The following ZNF791 variants were observed in gnomAD, a reference collection of about 807,000 sequenced individuals.
ZNF791 encodes the protein zinc finger protein 791.
In ZNF791, 4 loss-of-function variants were observed where a neutral mutation model predicts 11.5. The observed-to-expected ratio is 0.35, with a 90% CI of 0.17 to 0.80. The LOEUF is 0.80. Among genes scored for constraint, ZNF791 ranks in the 30% least tolerant of loss-of-function variants. The probability of loss-of-function intolerance (pLI) is 0.53; values close to 1 mark genes in which losing one functional copy is unlikely to be tolerated. For synonymous variants in ZNF791, 212 were observed against 228.1 expected (o/e 0.93, Z 0.64); for missense variants, 559 against 699.4 (o/e 0.80, Z 2.26).
At chr19:12,621,021 A>G (rs1257193982) in intron 1 of ZNF791, among the ~76,000 whole-genome samples, 1 of 151,872 alleles carries the variant, frequency 6.6e-6, no homozygotes, top group Non-Finnish European at 1.5e-5. Context: ...TCGGCCTCCC[A>G]CAGTGCTGGG....
intron 1 of ZNF791, chr19:12,612,096 A>C (rs1599318005): frequency 3.3e-6 from 2 of 603,892 alleles, no homozygotes; most frequent in East Asian, 1.4e-4. Flanking sequence ...TTGATGTTTC[A>C]GATGGTATTC....
At position 12,632,043 on chromosome 19, in the gene ZNF791, C is replaced by T. The variant is rs2023507484; in HGVS notation, c.*2783C>T. On this transcript the variant is annotated 3_prime_UTR_variant, in exon 4 of 4. Coordinates refer to ENST00000343325, the MANE Select transcript of ZNF791 (RefSeq NM_153358.3). The stretch of plus-strand genomic sequence containing the variant: ...CGGTGTGATCTCGGCTCACTGCAAG[C>T]TCCGCCTCCCGGGTCCACGCCATTC... 6.6e-6 allele frequency: 1 copy of T among 151,144 alleles called. No homozygotes were observed. The highest frequency in any genetic ancestry group is 2.4e-5 in the African/African-American group (1 of 41,008). 9.4% of individuals were successfully genotyped at this position (151,144 alleles called of 1,614,324 possible).
At chr19:12,621,722 G>GT (rs1315844480) in intron 1 of ZNF791, among the ~76,000 whole-genome samples, 14 of 57,468 alleles carry the variant, frequency 2.4e-4, no homozygotes, top group Non-Finnish European at 3.9e-4. Flanking sequence ...CTCGGTGGGG[G>GT]GTCAGCCCCC....
chr19:12,628,945 A>T lies in ZNF791; in HGVS notation c.1416A>T (p.Gln472His). Reference protein sequence around the residue: ...HTGEKPYECKQCGKAFSCSSY... With the variant: ...HTGEKPYECKHCGKAFSCSSY... The stretch of plus-strand genomic sequence containing the variant: ...GAGAGAAACCCTATGAATGTAAACA[A>T]TGTGGAAAAGCCTTTAGTTGTTCTA... Residue 472 changes from glutamine (Q) to histidine (H), a missense_variant, in exon 4 of 4, where the codon CAA becomes CAT. Gln to His is a conservative substitution (Grantham distance 24). Coordinates refer to ENST00000343325, the MANE Select transcript of ZNF791 (RefSeq NM_153358.3). The T allele has an allele frequency of 6.2e-7, 1 of 1,614,000 alleles. No individual in the cohort carries two copies. The highest frequency in any genetic ancestry group is 8.5e-7 in the Non-Finnish European group (1 of 1,179,966).
intron 1 of ZNF791, among the ~76,000 whole-genome samples, chr19:12,613,824 A>C (rs1367481118): frequency 6.6e-6 from 1 of 152,140 alleles, no homozygotes; most frequent in Non-Finnish European, 1.5e-5. Context: ...ACTGCAGAGC[A>C]CTTGGAAGCT....
At position 12,627,783 on chromosome 19, in the gene ZNF791, G is replaced by T. The variant is rs1331693412; in HGVS notation, c.254G>T (p.Ser85Ile). 1 of 1,614,200 alleles carries T rather than the reference G, an allele frequency of 6.2e-7. No individual in the cohort carries two copies. The highest frequency in any genetic ancestry group is 2.2e-5 in the East Asian group (1 of 44,888). The change falls in exon 4 of 4, where the codon AGT (serine) becomes ATT (isoleucine). Residue 85 changes from serine (S) to isoleucine (I), a missense_variant. By Grantham distance (142) the Ser-to-Ile change is moderately radical. Transcript: ENST00000343325. Reference sequence around the variant, plus strand: ...GGTAGTCAATGTGCAGAAAACTTCAGTCCCAATCTCAGTGTGACGAAGAAG... The same window carrying T: ...GGTAGTCAATGTGCAGAAAACTTCATTCCCAATCTCAGTGTGACGAAGAAG... ...KEGSQCAENF[S>I]PNLSVTKKTA... is the part of the protein sequence containing the mutation.
intron 1 of ZNF791, among the ~76,000 whole-genome samples, chr19:12,617,176 A>AGTGCAGTG (rs755846683): frequency 1.4e-5 from 2 of 138,272 alleles, no homozygotes; most frequent in Non-Finnish European, 3.0e-5. Context: ...CTCAGGCTGG[A>AGTGCAGTG]GTGCAGTGGT....
At chr19:12,614,035 G>A (rs2023202067) in intron 1 of ZNF791, among the ~76,000 whole-genome samples, 1 of 152,098 alleles carries the variant, frequency 6.6e-6, no homozygotes, top group African/African-American at 2.4e-5. Flanking sequence ...TAATGAATTG[G>A]GGAGCTCATT....
chr19:12,620,266 T>C (rs768886258), intron 1 of ZNF791, among the ~76,000 whole-genome samples: 13 of 151,918 alleles, frequency 8.6e-5, no homozygotes, highest in Non-Finnish European at 1.6e-4. Context: ...GCCTTGACTT[T>C]GCAGGCTCAA....
intron 1 of ZNF791, among the ~76,000 whole-genome samples, chr19:12,620,486 T>C (rs891746714): frequency 3.3e-5 from 5 of 152,130 alleles, no homozygotes; most frequent in African/African-American, 1.2e-4. Flanking sequence ...AAAATGTTTA[T>C]TTTCTATTAA....
chr19:12,611,487 A>G (rs1018902947), intron 1 of ZNF791, among the ~76,000 whole-genome samples: 9 of 152,254 alleles, frequency 5.9e-5, no homozygotes, highest in Middle Eastern at 3.4e-3. Context: ...ACGGCGGGCC[A>G]TTAATCCCTA....
In ZNF791 at chr19:12,611,032, G is replaced by C; in HGVS notation, c.-48G>C. On this transcript the variant is annotated 5_prime_UTR_variant, in exon 1 of 4. Transcript: ENST00000343325. ...ATCGGATGCGCTGTACCCTGCGCTG[G>C]CTCCGTGAACCTTAGGGACAACACC... is the stretch of plus-strand genomic sequence containing the variant. The C allele has an allele frequency of 8.7e-6, 14 of 1,613,984 alleles. No homozygotes were observed. Among genetic ancestry groups the C allele is most frequent in the Non-Finnish European group, 1.2e-5 (14 of 1,179,910 alleles).
intron 1 of ZNF791, 165 bp from the exon 2 acceptor site, chr19:12,623,535 T>G: frequency 1.3e-6 from 1 of 779,130 alleles, no homozygotes; most frequent in Non-Finnish European, 2.1e-6. Context: ...ACAGTGAAGA[T>G]GTAGCTATAA....
rs2023472009 is a variant in ZNF791 at position 12,629,411 on chromosome 19, C to T, written c.*151C>T. 5.2e-6 allele frequency: 3 copies of T among 572,406 alleles called. No homozygotes were observed. The highest frequency in any genetic ancestry group is 8.4e-6 in the Non-Finnish European group (3 of 357,664). 35.5% of individuals were successfully genotyped at this position (572,406 alleles called of 1,614,324 possible). ...ATGATTCATGTATAGTCAGGTACCA[C>T]ATAATCATGTTTCAGTCAGCAATGG... On this transcript the variant is annotated 3_prime_UTR_variant, in exon 4 of 4. Coordinates refer to ENST00000343325, the MANE Select transcript of ZNF791 (RefSeq NM_153358.3).
rs968914905 is a variant in ZNF791 at position 12,631,937 on chromosome 19, G to A, written c.*2677G>A. On this transcript the variant is annotated 3_prime_UTR_variant, in exon 4 of 4. Coordinates refer to ENST00000343325, the MANE Select transcript of ZNF791 (RefSeq NM_153358.3). ...GTAAAACTTTTCTCTTTCTCTTGAT[G>A]TCTTGATTCATGAGTAAACTGAAGT... The A allele has an allele frequency of 1.3e-5, 2 of 151,664 alleles. No homozygotes were observed. Among genetic ancestry groups the A allele is most frequent in the African/African-American group, 4.8e-5 (2 of 41,250 alleles). The allele number at this position is 151,664 out of a possible 1,614,324, so 9.4% of individuals were successfully genotyped here. A position where few individuals can be genotyped will look rare whatever the true frequency, so the allele number is the denominator to read the frequency against.
intron 1 of ZNF791, among the ~76,000 whole-genome samples, chr19:12,621,779 C>G (rs1471198946): frequency 8.0e-5 from 10 of 125,770 alleles, no homozygotes; most frequent in South Asian, 2.4e-4. Flanking sequence ...GGGGGGTCAG[C>G]CCCCCCGCCC....
Position 12,631,832 on chromosome 19 carries a change from G to A in ZNF791, c.*2572G>A, listed in dbSNP as rs565224016. 2.6e-5 allele frequency: 4 copies of A among 152,266 alleles called. No homozygotes were observed. Among genetic ancestry groups the A allele is most frequent in the African/African-American group, 4.8e-5 (2 of 41,562 alleles). The allele number at this position is 152,266 out of a possible 1,614,324, so 9.4% of individuals were successfully genotyped here. A position where few individuals can be genotyped will look rare whatever the true frequency, so the allele number is the denominator to read the frequency against. On this transcript the variant is annotated 3_prime_UTR_variant, in exon 4 of 4. Coordinates refer to ENST00000343325, the MANE Select transcript of ZNF791 (RefSeq NM_153358.3). Reference sequence around the variant, plus strand: ...CTTAACTACTTTTCCAAGAAGTCTTGGAAGTGAGATAATTCTGTAAGTACT... The same window carrying A: ...CTTAACTACTTTTCCAAGAAGTCTTAGAAGTGAGATAATTCTGTAAGTACT...
chr19:12,628,381 C>T lies in ZNF791; in HGVS notation c.852C>T (p.Pro284=). 6.2e-7 allele frequency: 1 copy of T among 1,607,598 alleles called. No homozygotes were observed. ...CKECGKAFIF[P]SFLRVHERIH... ...AATGTGGAAAGGCATTCATTTTTCC[C>T]AGTTTTTTACGAGTACATGAAAGAA... The change falls in exon 4 of 4, where the codon CCC becomes CCT. Residue 284 remains proline (P), a synonymous_variant. Transcript: ENST00000343325.
At chr19:12,624,372 C>T (rs187534167) in intron 2 of ZNF791, among the ~76,000 whole-genome samples, 7,063 of 150,712 alleles carry the variant, frequency 0.047, 367 homozygotes, top group African/African-American at 0.13. Flanking sequence ...AGGCTGGTCT[C>T]GAACTCCTGA....
Sources: gnomAD v4.1 joint callset for allele counts (sites outside exome capture counted in the v4.1 genomes callset) on GRCh38, gnomAD v4.1.1 for gene constraint, MANE v1.5 for transcripts, NCBI Gene and HGNC (gene_info 2026-07-23, HGNC 2026-07-21) for gene names.